RNF167: variants seen among roughly 807,000 people sequenced by gnomAD.
RNF167 encodes the protein ring finger protein 167, also known as E3 ubiquitin-protein ligase RNF167.
A neutral mutation model predicts 34.8 loss-of-function variants in RNF167; 19 were observed. That is an observed-to-expected ratio of 0.55 (90% CI 0.38 to 0.80). RNF167 has a LOEUF of 0.80. RNF167 is among the 30% of genes least tolerant of loss of function. The probability of loss-of-function intolerance (pLI) is 0.00; values close to 1 mark genes in which losing one functional copy is unlikely to be tolerated. For synonymous variants in RNF167, 200 were observed against 170.4 expected, an observed-to-expected ratio of 1.17 and a Z score of -1.35; for missense variants, 464 against 447.0, an observed-to-expected ratio of 1.04 and a Z score of -0.34.
chr17:4,944,961 G>A lies in RNF167; in HGVS notation c.998G>A (p.Gly333Glu), dbSNP rs766054240. Reference sequence around the variant, plus strand: ...GCCCCAGCTCCCCTTGTTTTTCCTGGGCCTTCAACAGATCCCCCACTGTCC... The same window carrying A: ...GCCCCAGCTCCCCTTGTTTTTCCTGAGCCTTCAACAGATCCCCCACTGTCC... ...SLAPAPLVFP[G>E]PSTDPPLSPP... is the part of the protein sequence containing the mutation. Residue 333 changes from glycine to glutamate, a missense_variant, in exon 10 of 10, where the codon GGG becomes GAG. Coordinates refer to ENST00000262482, the MANE Select transcript of RNF167 (RefSeq NM_015528.3). 5 of 1,598,212 alleles carry A rather than the reference G, an allele frequency of 3.1e-6. 1 individual carries two copies. In the South Asian group the frequency reaches 5.6e-5, roughly 18 times the overall value.
Position 4,942,399 on chromosome 17 carries a change from C to T in RNF167, c.224C>T (p.Pro75Leu), listed in dbSNP as rs369172531. The part of the protein sequence containing the change: ...NACSPIAPPP[P>L]APVNGSVFIA... ...TGCAGCCCCATTGCCCCACCACCCC[C>T]AGCCCCGGTCAATGGGTCAGTCTTT... The change falls in exon 4 of 10, where the codon CCA becomes CTA. Residue 75 changes from proline to leucine, a missense_variant. Transcript: ENST00000262482. 3 of 1,614,102 alleles carry T rather than the reference C, an allele frequency of 1.9e-6. No homozygotes were observed. Among genetic ancestry groups the T allele is most frequent in the South Asian group, 2.2e-5 (2 of 91,084 alleles).
chr17:4,942,957 CCT>C lies in RNF167; in HGVS notation c.470+17_470+18del. On this transcript the variant is annotated intron_variant, in intron 6 of 9. Coordinates refer to ENST00000262482, the MANE Select transcript of RNF167 (RefSeq NM_015528.3). ...ACGAGAAGGGGTAGGACATGTGCCT[CCT>C]TCCCATTCTTCCTTCAGCAAGCAGT... The C allele has an allele frequency of 1.2e-6, 2 of 1,610,438 alleles. No homozygotes were observed. The highest frequency in any genetic ancestry group is 2.2e-5 in the South Asian group (2 of 91,030).
intron 8 of RNF167, among the ~76,000 whole-genome samples, 176 bp downstream of exon 8, chr17:4,943,695 C>G (rs1971074573): frequency 6.6e-6 from 1 of 152,132 alleles, no homozygotes; most frequent in Non-Finnish European, 1.5e-5. Flanking sequence ...GTCACTTGAG[C>G]CCAGGAGTTT....
At position 4,944,904 on chromosome 17, in the gene RNF167, G is replaced by C. The variant is rs1567662915; in HGVS notation, c.941G>C (p.Ser314Thr). The C allele has an allele frequency of 1.2e-6, 2 of 1,613,810 alleles. No homozygotes were observed. The highest frequency in any genetic ancestry group is 2.7e-5 in the African/African-American group (2 of 74,898). ...GAAAGGACCCCACTTTTGGGTTCTA[G>C]CCCCACTCTTCCCACCTCCTTTGGT... is the stretch of plus-strand genomic sequence containing the variant. ...ASERTPLLGS[S>T]PTLPTSFGSL... The change falls in exon 10 of 10, where the codon AGC (serine) becomes ACC (threonine). Residue 314 changes from serine to threonine, a missense_variant. Physicochemically the swap from Ser to Thr is moderately conservative, Grantham distance 58 (BLOSUM62 1). Coordinates refer to ENST00000262482, the MANE Select transcript of RNF167 (RefSeq NM_015528.3).
Position 4,940,800 on chromosome 17 carries a change from G to T in RNF167, c.-110G>T. 1 of 951,392 alleles carries T rather than the reference G, an allele frequency of 1.1e-6. No homozygotes were observed. The highest frequency in any genetic ancestry group is 1.5e-6 in the Non-Finnish European group (1 of 659,234). 58.9% of individuals were successfully genotyped at this position (951,392 alleles called of 1,614,324 possible). ...TGTAGCTGGGAAGTGGGACCTGGGG[G>T]TGGTTGGACCCCTGGGATCCTAAAG... On this transcript the variant is annotated 5_prime_UTR_variant, in exon 2 of 10. Transcript: ENST00000262482.
rs772142671 is a variant in RNF167, at chr17:4,940,884, T to G, written c.-26T>G. ...CTCCTTGCTACCAGGACGCGCGGCC[T>G]CCTCAGCCTCTTTCCTCCCGCTGCC... On this transcript the variant is annotated 5_prime_UTR_variant, in exon 2 of 10. Coordinates refer to ENST00000262482, the MANE Select transcript of RNF167 (RefSeq NM_015528.3). 4 of 1,536,722 alleles carry G rather than the reference T, an allele frequency of 2.6e-6. No individual in the cohort carries two copies. The African/African-American group carries it at 5.5e-5, about 21-fold the overall frequency.
rs1376786522 is a variant in RNF167 at position 4,943,234 on chromosome 17, C to T, written c.526C>T (p.Pro176Ser). The T allele has an allele frequency of 3.1e-6, 5 of 1,614,026 alleles. No homozygotes were observed. In the Admixed American group the frequency reaches 8.3e-5, roughly 27 times the overall value. Residue 176 changes from proline (P) to serine (S), a missense_variant, in exon 7 of 10, where the codon CCT (proline) becomes TCT (serine). Transcript: ENST00000262482. ...CTTCCCCTTGGGCTATTACCTCATC[C>T]CTTTCACAGGGATTGTGGGACTGCT... ...NTFPLGYYLIPFTGIVGLLVL... is the reference protein window; with the variant it reads ...NTFPLGYYLISFTGIVGLLVL...
At chr17:4,943,721 G>T (rs1971078042) in intron 8 of RNF167, among the ~76,000 whole-genome samples, 1 of 152,188 alleles carries the variant, frequency 6.6e-6, no homozygotes, top group Non-Finnish European at 1.5e-5. Context: ...CAGCCTGGGT[G>T]ACATGATAAA....
downstream of RNF167, chr17:4,945,222 A>AG: frequency 2.0e-6 from 1 of 490,850 alleles, no homozygotes; most frequent in Non-Finnish European, 3.6e-6. Flanking sequence ...TTGTGGACTA[A>AG]GGAAGGGTAA....
upstream of RNF167, chr17:4,940,234 A>T: frequency 4.0e-6 from 1 of 249,014 alleles, no homozygotes; most frequent in Admixed American, 5.8e-5. Flanking sequence ...AGATCGAGTG[A>T]GTACGGCTCG....
chr17:4,940,336 G>C lies in RNF167; in HGVS notation c.-448G>C, dbSNP rs1597652876. 1 of 165,376 alleles carries C rather than the reference G, an allele frequency of 6.0e-6. No homozygotes were observed. Among genetic ancestry groups the C allele is most frequent in the African/African-American group, 2.4e-5 (1 of 41,990 alleles). The allele number at this position is 165,376 out of a possible 1,614,324, so 10.2% of individuals were successfully genotyped here. A position where few individuals can be genotyped will look rare whatever the true frequency, so the allele number is the denominator to read the frequency against. ...GAGCACTCTCGCGAGATTTGAAGGA[G>C]CGGCGGAGGCCAGAGGGAGGAGAGG... is the stretch of plus-strand genomic sequence containing the variant. On this transcript the variant is annotated 5_prime_UTR_variant, in exon 1 of 10. Coordinates refer to ENST00000262482, the MANE Select transcript of RNF167 (RefSeq NM_015528.3).
chr17:4,943,082 C>A (rs1970991608), intron 6 of RNF167, 97 bp from the exon 7 acceptor site: 1 of 1,308,874 alleles, frequency 7.6e-7, no homozygotes. Context: ...CATTCCTGTC[C>A]CCACCTATGG....
chr17:4,944,929 T>C lies in RNF167; in HGVS notation c.966T>C (p.Gly322=). ...GCCCCACTCTTCCCACCTCCTTTGG[T>C]TCCTTAGCCCCAGCTCCCCTTGTTT... The part of the protein sequence containing the change: ...GSSPTLPTSF[G]SLAPAPLVFP... Residue 322 remains glycine, a synonymous_variant, in exon 10 of 10, where the codon GGT becomes GGC. Coordinates refer to ENST00000262482, the MANE Select transcript of RNF167 (RefSeq NM_015528.3). 1 of 1,611,956 alleles carries C rather than the reference T, an allele frequency of 6.2e-7. No homozygotes were observed. The highest frequency in any genetic ancestry group is 8.5e-7 in the Non-Finnish European group (1 of 1,178,984).
At position 4,945,042 on chromosome 17, in the gene RNF167, T is replaced by G. The variant is rs1468283424; in HGVS notation, c.*26T>G. 2 of 1,510,360 alleles carry G rather than the reference T, an allele frequency of 1.3e-6. No individual in the cohort carries two copies. Among genetic ancestry groups the G allele is most frequent in the Non-Finnish European group, 1.8e-6 (2 of 1,127,006 alleles). 93.6% of individuals were successfully genotyped at this position (1,510,360 alleles called of 1,614,324 possible). A position where few individuals can be genotyped will look rare whatever the true frequency, so the allele number is the denominator to read the frequency against. On this transcript the variant is annotated 3_prime_UTR_variant, in exon 10 of 10. Coordinates refer to ENST00000262482, the MANE Select transcript of RNF167 (RefSeq NM_015528.3). Reference sequence around the variant, plus strand: ...TAACCCCCCACACATACACCTCTGGTGACCTATTTGCACAGACCGTCGTCT... The same window carrying G: ...TAACCCCCCACACATACACCTCTGGGGACCTATTTGCACAGACCGTCGTCT...
chr17:4,940,912 G>GCA lies in RNF167; in HGVS notation c.5_6dup (p.Pro3ThrfsTer48), dbSNP rs1970728131. Reference sequence around the variant, plus strand: ...TCAGCCTCTTTCCTCCCGCTGCCATGCACCCTGCAGCCTTCCCGCTTCCTG... The same window carrying GCA: ...TCAGCCTCTTTCCTCCCGCTGCCATGCACACCCTGCAGCCTTCCCGCTTCCTG... On this transcript the variant is annotated frameshift_variant, in exon 2 of 10. Transcript: ENST00000262482. LOFTEE classifies it high-confidence loss of function. 6.3e-7 allele frequency: 1 copy of GCA among 1,599,786 alleles called. No homozygotes were observed. The highest frequency in any genetic ancestry group is 1.7e-5 in the Admixed American group (1 of 58,398).
Position 4,943,459 on chromosome 17 carries a change from C to A in RNF167, c.610C>A (p.Gln204Lys). The A allele has an allele frequency of 6.2e-7, 1 of 1,614,024 alleles. No individual in the cohort carries two copies. Among genetic ancestry groups the A allele is most frequent in the African/African-American group, 1.3e-5 (1 of 75,056 alleles). ...ARCIQHRKRL[Q>K]RNRLTKEQLK... ...TTGTATCCAGCACCGGAAACGGCTC[C>A]AGCGGAATCGACTTACCAAAGAGCA... The change falls in exon 8 of 10, where the codon CAG (glutamine) becomes AAG (lysine). Residue 204 changes from glutamine to lysine, a missense_variant. By Grantham distance (53) the Gln-to-Lys change is moderately conservative (BLOSUM62 1). Coordinates refer to ENST00000262482, the MANE Select transcript of RNF167 (RefSeq NM_015528.3).
chr17:4,941,072 C>G lies in RNF167; in HGVS notation c.85-5C>G. 6.2e-7 allele frequency: 1 copy of G among 1,614,130 alleles called. No individual in the cohort carries two copies. Among genetic ancestry groups the G allele is most frequent in the Non-Finnish European group, 8.5e-7 (1 of 1,180,002 alleles). On this transcript the variant is annotated splice_region_variant and splice_polypyrimidine_tract_variant and intron_variant, in intron 2 of 9. Transcript: ENST00000262482. Reference sequence around the variant, plus strand: ...GAAGGGGAACATCGCCTTTTTTGTCCGCAGACCTCGGACCACAATGCCAGC... The same window carrying G: ...GAAGGGGAACATCGCCTTTTTTGTCGGCAGACCTCGGACCACAATGCCAGC...
In RNF167 at chr17:4,944,910, C is replaced by T; in HGVS notation, c.947C>T (p.Thr316Ile). ...ERTPLLGSSP[T>I]LPTSFGSLAP... The stretch of plus-strand genomic sequence containing the variant: ...ACCCCACTTTTGGGTTCTAGCCCCA[C>T]TCTTCCCACCTCCTTTGGTTCCTTA... Residue 316 changes from threonine to isoleucine, a missense_variant, in exon 10 of 10, where the codon ACT (threonine) becomes ATT (isoleucine). Thr to Ile is a moderately conservative substitution (Grantham distance 89). Transcript: ENST00000262482. 4 of 1,613,834 alleles carry T rather than the reference C, an allele frequency of 2.5e-6. No individual in the cohort carries two copies. The highest frequency in any genetic ancestry group is 3.4e-6 in the Non-Finnish European group (4 of 1,179,846).
chr17:4,942,980 G>A, intron 6 of RNF167, 39 bp downstream of exon 6: 2 of 1,582,728 alleles, frequency 1.3e-6, no homozygotes, highest in Non-Finnish European at 1.7e-6. Context: ...CCTTCAGCAA[G>A]CAGTTCCATG....
Sources: gnomAD v4.1 joint callset for allele counts (sites outside exome capture counted in the v4.1 genomes callset) on GRCh38, gnomAD v4.1.1 for gene constraint, MANE v1.5 for transcripts, NCBI Gene and HGNC (gene_info 2026-07-23, HGNC 2026-07-21) for gene names.